Variants in PDZD2 observed in about 807,000 individuals in gnomAD.
PDZD2 encodes PDZ domain-containing protein 2.
In PDZD2, 90 loss-of-function variants were observed where a neutral mutation model predicts 220.7. That is an observed-to-expected ratio of 0.41 (90% CI 0.34 to 0.49). The LOEUF is 0.49. Among genes scored for constraint, PDZD2 ranks in the 20% least tolerant of loss-of-function variants. The pLI, the probability that PDZD2 is intolerant of heterozygous loss-of-function variation, is 0.28. For missense variants in PDZD2, 3,174 were observed against 3,608.5 expected, an observed-to-expected ratio of 0.88 and a Z score of 3.08; for synonymous variants, 1,375 against 1,450.5, an observed-to-expected ratio of 0.95 and a Z score of 1.18.
intron 2 of PDZD2, among the ~76,000 whole-genome samples, chr5:31,830,520 A>T (rs2150268248): frequency 6.6e-6 from 1 of 151,766 alleles, no homozygotes; most frequent in African/African-American, 2.4e-5. Context: ...TTAATATTCA[A>T]CTTTTAAAAA....
chr5:31,874,256 C>G (rs1267454638), intron 2 of PDZD2, among the ~76,000 whole-genome samples: 1 of 152,184 alleles, frequency 6.6e-6, no homozygotes, highest in Non-Finnish European at 1.5e-5. Context: ...ATCTAGATTG[C>G]TGCTTGACCA....
At chr5:31,660,939 G>A (rs1745738629) in intron 1 of PDZD2, among the ~76,000 whole-genome samples, 2 of 152,082 alleles carry the variant, frequency 1.3e-5, no homozygotes, top group South Asian at 4.2e-4. Context: ...TTGCTATATT[G>A]TCCAGCCTGG....
chr5:31,882,582 A>C (rs1426777489), intron 2 of PDZD2, among the ~76,000 whole-genome samples: 1 of 152,222 alleles, frequency 6.6e-6, no homozygotes, highest in East Asian at 1.9e-4. Context: ...TGGACCAGCT[A>C]TTCTAGCAAA....
At chr5:31,933,063 A>G (rs1581111055) in intron 2 of PDZD2, among the ~76,000 whole-genome samples, 1 of 152,052 alleles carries the variant, frequency 6.6e-6, no homozygotes, top group African/African-American at 2.4e-5. Flanking sequence ...GATGTGTGCC[A>G]CCACGCCTGG....
Position 32,074,043 on chromosome 5 carries a change from A to G in PDZD2, c.2937A>G (p.Glu979=), listed in dbSNP as rs61746949. ...GTGATGAGGAAGAGTTTGACAGAGA[A>G]GGGGACTGCATTTCACTCCCAGGGG... ...DASDEEEFDR[E]GDCISLPGAL... Residue 979 remains glutamate, a synonymous_variant, in exon 18 of 25, where the codon GAA becomes GAG. Coordinates refer to ENST00000438447, the MANE Select transcript of PDZD2 (RefSeq NM_178140.4). 8,508 of 1,613,856 alleles carry G rather than the reference A, an allele frequency of 5.3e-3. 384 individuals are homozygous for G. In the African/African-American group the frequency reaches 0.1, roughly 19 times the overall value.
chr5:31,768,790 G>A (rs1355132627), intron 1 of PDZD2, among the ~76,000 whole-genome samples: 1 of 152,188 alleles, frequency 6.6e-6, no homozygotes, highest in East Asian at 1.9e-4. Flanking sequence ...TAGCGGCACT[G>A]GAGCAGGGAC....
intron 14 of PDZD2, among the ~76,000 whole-genome samples, chr5:32,061,775 A>G (rs1403533055): frequency 6.6e-6 from 1 of 152,182 alleles, no homozygotes; most frequent in Non-Finnish European, 1.5e-5. Flanking sequence ...AATAAAAAGA[A>G]ATGAGAAAGT....
At chr5:31,715,431 A>T (rs932640075) in intron 1 of PDZD2, among the ~76,000 whole-genome samples, 3 of 152,182 alleles carry the variant, frequency 2.0e-5, no homozygotes, top group African/African-American at 7.2e-5. Flanking sequence ...CCTTGTGCAC[A>T]TCCCGGAACC....
chr5:31,780,726 G>A (rs1236187422), intron 1 of PDZD2, among the ~76,000 whole-genome samples: 3 of 152,098 alleles, frequency 2.0e-5, no homozygotes, highest in African/African-American at 4.8e-5. Context: ...ACCCCAAACC[G>A]GCTTCAGCAG....
At chr5:32,102,936 C>CATT (rs1228583356) in intron 24 of PDZD2, among the ~76,000 whole-genome samples, 5 of 152,084 alleles carry the variant, frequency 3.3e-5, no homozygotes, top group Non-Finnish European at 7.4e-5. Context: ...CATACACCCT[C>CATT]ATTAGTGAAA....
At chr5:31,934,347 C>CA (rs1236157158) in intron 2 of PDZD2, among the ~76,000 whole-genome samples, 2 of 152,082 alleles carry the variant, frequency 1.3e-5, no homozygotes, top group Non-Finnish European at 2.9e-5. Flanking sequence ...TGAATGCACA[C>CA]AAAAAATGTG....
chr5:31,794,278 CA>C (rs1753882587), intron 1 of PDZD2, among the ~76,000 whole-genome samples: 1 of 151,952 alleles, frequency 6.6e-6, no homozygotes, highest in Non-Finnish European at 1.5e-5. Flanking sequence ...ACACAGGCTT[CA>C]AGAAGCTTTC....
chr5:31,994,692 G>A (rs1331209329), intron 3 of PDZD2, among the ~76,000 whole-genome samples: 1 of 152,036 alleles, frequency 6.6e-6, no homozygotes, highest in Admixed American at 6.6e-5. Context: ...TCACCATGCT[G>A]GCCAGGCTGG....
intron 1 of PDZD2, among the ~76,000 whole-genome samples, chr5:31,741,375 T>TTA (rs1554069110): frequency 5.4e-5 from 8 of 147,962 alleles, no homozygotes; most frequent in East Asian, 2.0e-4. Flanking sequence ...TTTTTTTTTT[T>TTA]AAAAAGGCTC....
intron 2 of PDZD2, among the ~76,000 whole-genome samples, chr5:31,877,450 C>T (rs1739407171): frequency 6.6e-6 from 1 of 151,948 alleles, no homozygotes; most frequent in Admixed American, 6.6e-5. Context: ...AACTCCTGAG[C>T]TCAAGTTATC....
intron 1 of PDZD2, among the ~76,000 whole-genome samples, chr5:31,775,336 G>GGA (rs560260320): frequency 0.02 from 2,779 of 139,194 alleles, 104 homozygotes; most frequent in African/African-American, 0.07. Context: ...AGATGTAATT[G>GGA]AAAAAAAAAA....
chr5:31,664,283 A>C (rs1745893418), intron 1 of PDZD2, among the ~76,000 whole-genome samples: 1 of 152,002 alleles, frequency 6.6e-6, no homozygotes, highest in South Asian at 2.1e-4. Flanking sequence ...GATTACCGAC[A>C]CGCACCACCG....
rs571289932 is a variant in PDZD2 at position 32,051,365 on chromosome 5, A to T, written c.1666-1246A>T. Reference sequence around the variant, plus strand: ...GATATTTTGTAAAACCGCAAAAAAGAAATAATAATAATTGTTCTAAGCTGC... The same window carrying T: ...GATATTTTGTAAAACCGCAAAAAAGTAATAATAATAATTGTTCTAAGCTGC... On this transcript the variant is annotated intron_variant, in intron 8 of 24. Transcript: ENST00000438447. 1.1e-4 allele frequency among the ~76,000 whole-genome samples: 16 copies of T among 152,362 alleles called. No individual in the cohort carries two copies. In the South Asian group the frequency reaches 2.9e-3, roughly 28 times the overall value.
chr5:31,714,684 C>T (rs1748331935), intron 1 of PDZD2, among the ~76,000 whole-genome samples: 1 of 152,116 alleles, frequency 6.6e-6, no homozygotes, highest in African/African-American at 2.4e-5. Flanking sequence ...TATTTGAGTT[C>T]ATCTGTTTGG....
Sources: gnomAD v4.1 joint callset for allele counts (sites outside exome capture counted in the v4.1 genomes callset) on GRCh38, gnomAD v4.1.1 for gene constraint, MANE v1.5 for transcripts, NCBI Gene and HGNC (gene_info 2026-07-23, HGNC 2026-07-21) for gene names.